CLCA2: variants seen among roughly 807,000 people sequenced by gnomAD.
The protein encoded by CLCA2 is calcium-activated chloride channel regulator 2.
CLCA2 carries 85 observed loss-of-function variants against 82.9 expected under a neutral mutation model. That is an observed-to-expected ratio of 1.03 (90% CI 0.86 to 1.23). The LOEUF is 1.23. Ranked by LOEUF, CLCA2 falls within the 50% of genes most tolerant of loss-of-function variation. CLCA2 has a pLI of 0.00. For synonymous variants in CLCA2, 421 were observed against 391.7 expected, an observed-to-expected ratio of 1.07 and a Z score of -0.88; for missense variants, 1,089 against 1,124.8, an observed-to-expected ratio of 0.97 and a Z score of 0.45.
rs1295820479 is a variant in CLCA2, at chr1:86,455,027, A to G, written c.2390-58A>G. 13 of 1,052,074 alleles carry G rather than the reference A, an allele frequency of 1.2e-5. No homozygotes were observed. In the Admixed American group the frequency reaches 1.6e-4, roughly 13 times the overall value. The allele number at this position is 1,052,074 out of a possible 1,614,324, so 65.2% of individuals were successfully genotyped here. On this transcript the variant is annotated intron_variant, in intron 13 of 13. Transcript: ENST00000370565. ...GCTGTTCTCATTAGTAATTTCTAAT[A>G]AACTAGAAAATATACTCAAAGTGAC...
chr1:86,425,531 A>G, intron 2 of CLCA2, 55 bp downstream of exon 2: 3 of 1,387,440 alleles, frequency 2.2e-6, no homozygotes, highest in Non-Finnish European at 2.9e-6. Flanking sequence ...ACACCAAAAT[A>G]TACTGTGCTC....
intron 6 of CLCA2, among the ~76,000 whole-genome samples, chr1:86,437,186 C>G (rs1001918600): frequency 6.6e-6 from 1 of 152,188 alleles, no homozygotes; most frequent in Non-Finnish European, 1.5e-5. Flanking sequence ...AACTTTCCTC[C>G]CTTTTCCTGC....
intron 11 of CLCA2, among the ~76,000 whole-genome samples, chr1:86,450,319 T>C (rs1229663300): frequency 6.6e-6 from 1 of 152,202 alleles, no homozygotes; most frequent in Non-Finnish European, 1.5e-5. Context: ...GATGATTAAA[T>C]GTTTTATTAG....
rs1214251648 is a variant in CLCA2, at chr1:86,456,460, C to T, written c.*933C>T. 1.3e-5 allele frequency: 2 copies of T among 152,058 alleles called. No homozygotes were observed. Among genetic ancestry groups the T allele is most frequent in the African/African-American group, 2.4e-5 (1 of 41,392 alleles). 9.4% of individuals were successfully genotyped at this position (152,058 alleles called of 1,614,324 possible). A position where few individuals can be genotyped will look rare whatever the true frequency, so the allele number is the denominator to read the frequency against. ...CAGGGGAAGGGGGATATAGAGGTCA[C>T]AAGGAAATAAAAATCATCTTTCATC... On this transcript the variant is annotated 3_prime_UTR_variant, in exon 14 of 14. Coordinates refer to ENST00000370565, the MANE Select transcript of CLCA2 (RefSeq NM_006536.7).
At chr1:86,442,647 A>G (rs1437781661) in intron 9 of CLCA2, among the ~76,000 whole-genome samples, 2 of 152,130 alleles carry the variant, frequency 1.3e-5, no homozygotes, top group Non-Finnish European at 2.9e-5. Flanking sequence ...TTATCCACCA[A>G]TATAATTTTA....
chr1:86,442,318 T>C (rs1037287132), intron 9 of CLCA2, among the ~76,000 whole-genome samples: 3 of 152,234 alleles, frequency 2.0e-5, no homozygotes, highest in African/African-American at 7.2e-5. Flanking sequence ...AGGCTACAAT[T>C]GGCTCTTCTG....
At chr1:86,438,642 G>A (rs1889337) in intron 6 of CLCA2, among the ~76,000 whole-genome samples, 88,778 of 151,988 alleles carry the variant, frequency 0.58, 26,272 homozygotes, top group African/African-American at 0.62. Flanking sequence ...TAAATTATGA[G>A]CATCTTGTTG....
intron 2 of CLCA2, among the ~76,000 whole-genome samples, chr1:86,427,620 G>A (rs185271351): frequency 6.6e-6 from 1 of 151,112 alleles, no homozygotes; most frequent in Admixed American, 6.6e-5. Flanking sequence ...GTGTATATTG[G>A]ATCGTATTAG....
chr1:86,453,991 A>G (rs1663025231), intron 13 of CLCA2, among the ~76,000 whole-genome samples: 1 of 152,056 alleles, frequency 6.6e-6, no homozygotes, highest in African/African-American at 2.4e-5. Flanking sequence ...TTTTTGCATA[A>G]CTCATGCAAA....
At position 86,444,148 on chromosome 1, in the gene CLCA2, C is replaced by T; in HGVS notation, c.1713+137C>T. 4 of 620,026 alleles carry T rather than the reference C, an allele frequency of 6.5e-6. 1 individual carries two copies. The highest frequency in any genetic ancestry group is 8.7e-4 in the Middle Eastern group (2 of 2,288). The allele number at this position is 620,026 out of a possible 1,614,324, so 38.4% of individuals were successfully genotyped here. On this transcript the variant is annotated intron_variant, in intron 10 of 13. Transcript: ENST00000370565. ...AAAGTTTACTTTAAATTTATGAGGC[C>T]ATTTTGTGAATATTAAAAATTTAAG...
chr1:86,443,344 C>A (rs1662776839), intron 9 of CLCA2, among the ~76,000 whole-genome samples: 2 of 152,100 alleles, frequency 1.3e-5, no homozygotes, highest in Admixed American at 1.3e-4. Flanking sequence ...AATTTTTTAA[C>A]GTAGCAAAAC....
intron 4 of CLCA2, 83 bp from the exon 5 acceptor site, chr1:86,432,286 G>A: frequency 1.3e-6 from 2 of 1,511,332 alleles, no homozygotes; most frequent in Non-Finnish European, 1.8e-6. Context: ...TACAATCCTT[G>A]TAATAATTAT....
chr1:86,434,537 C>A lies in CLCA2; in HGVS notation c.764C>A (p.Ala255Glu). The A allele has an allele frequency of 6.2e-7, 1 of 1,613,924 alleles. No individual in the cohort carries two copies. Among genetic ancestry groups the A allele is most frequent in the Non-Finnish European group, 8.5e-7 (1 of 1,179,920 alleles). Reference protein sequence around the residue: ...SLSSVVEFCNASTHNQEAPNL... With the variant: ...SLSSVVEFCNESTHNQEAPNL... ...TTCCAGGTGGTTGAATTTTGTAATG[C>A]AAGTACCCACAACCAAGAAGCACCA... Residue 255 changes from alanine (A) to glutamate (E), a missense_variant, in exon 6 of 14, where the codon GCA (alanine) becomes GAA (glutamate). Coordinates refer to ENST00000370565, the MANE Select transcript of CLCA2 (RefSeq NM_006536.7).
chr1:86,440,453 C>T, intron 8 of CLCA2, 128 bp downstream of exon 8: 1 of 868,466 alleles, frequency 1.2e-6, no homozygotes, highest in Non-Finnish European at 1.7e-6. Flanking sequence ...AACGCACACA[C>T]ATATTGCTAG....
At position 86,441,462 on chromosome 1, in the gene CLCA2, T is replaced by C. The variant is rs960353609; in HGVS notation, c.1407T>C (p.Asp469=). ...GAGGTTTAAAGTTCTTTGTTCCAGA[T>C]ATATCAAACTCCAATAGCATGATTG... is the stretch of plus-strand genomic sequence containing the variant. ...LTGGLKFFVP[D]ISNSNSMIDA... Residue 469 remains aspartate (D), a synonymous_variant, in exon 9 of 14, where the codon GAT becomes GAC. Transcript: ENST00000370565. 16 of 1,607,972 alleles carry C rather than the reference T, an allele frequency of 1.0e-5. No homozygotes were observed. Among genetic ancestry groups the C allele is most frequent in the Non-Finnish European group, 1.4e-5 (16 of 1,175,394 alleles).
At chr1:86,445,942 C>T (rs568022221) in intron 10 of CLCA2, among the ~76,000 whole-genome samples, 176 of 151,976 alleles carry the variant, frequency 1.2e-3, no homozygotes, top group Middle Eastern at 0.01. Flanking sequence ...CAAAACTGTA[C>T]AAAAATTTTA....
At chr1:86,427,150 T>C (rs113760737) in intron 2 of CLCA2, among the ~76,000 whole-genome samples, 2,442 of 152,222 alleles carry the variant, frequency 0.016, 75 homozygotes, top group African/African-American at 0.056. Flanking sequence ...GTAGGAATCA[T>C]GGAAGGGGGA....
intron 5 of CLCA2, among the ~76,000 whole-genome samples, chr1:86,434,189 G>T: frequency 6.6e-6 from 1 of 152,094 alleles, no homozygotes; most frequent in Admixed American, 6.5e-5. Flanking sequence ...ATACAATATT[G>T]TGCTAAGGGA....
chr1:86,443,682 AAATT>A, intron 9 of CLCA2, 101 bp from the exon 10 acceptor site: 9 of 857,348 alleles, frequency 1.0e-5, no homozygotes, highest in Non-Finnish European at 1.6e-5. Context: ...TGTCAGAATT[AAATT>A]ATTTTTATTT....
Sources: allele counts gnomAD v4.1 joint callset (sites outside exome capture counted in the v4.1 genomes callset), GRCh38; gene constraint gnomAD v4.1.1; transcripts MANE v1.5; gene names NCBI Gene and HGNC (gene_info 2026-07-23, HGNC 2026-07-21).